The following AP1G1 variants were observed in gnomAD, a reference collection of about 807,000 sequenced individuals.
AP1G1 encodes the protein adaptor related protein complex 1 subunit gamma 1.
AP1G1 carries 7 observed loss-of-function variants against 108.3 expected under a neutral mutation model. The observed-to-expected ratio is 0.06, with a 90% confidence interval of 0.04 to 0.12. The LOEUF (loss-of-function observed/expected upper bound fraction) is 0.12, where lower values mean the gene tolerates loss of function less well. Ranked by LOEUF, AP1G1 falls within the 10% of genes least tolerant of loss-of-function variation. AP1G1 has a pLI of 1.00. For synonymous variants in AP1G1, 379 were observed against 353.5 expected (o/e 1.07, Z -0.81); for missense variants, 756 against 1,010.7 (o/e 0.75, Z 3.42).
chr16:71,789,565 G>T, intron 1 of AP1G1, 83 bp from the exon 2 acceptor site: 1 of 1,407,136 alleles, frequency 7.1e-7, no homozygotes, highest in East Asian at 2.3e-5. Context: ...TTAAATTTTT[G>T]ACTAGTTTTT....
chr16:71,748,478 C>G (rs1349876196), intron 15 of AP1G1, 100 bp from the exon 16 acceptor site: 1 of 1,343,658 alleles, frequency 7.4e-7, no homozygotes, highest in African/African-American at 1.5e-5. Context: ...AAAGACAATC[C>G]TACCGTTACA....
chr16:71,764,755 C>T (rs1190302734), intron 7 of AP1G1, 29 bp from the exon 8 acceptor site: 6 of 1,393,656 alleles, frequency 4.3e-6, no homozygotes, highest in Non-Finnish European at 6.0e-6. Flanking sequence ...GAGGTGTCAA[C>T]AAATTATGTC....
chr16:71,793,392 G>A (rs1051747979), intron 1 of AP1G1, among the ~76,000 whole-genome samples: 2 of 152,092 alleles, frequency 1.3e-5, no homozygotes, highest in African/African-American at 4.8e-5. Context: ...TGGAATAGAA[G>A]CTACAAATCA....
intron 15 of AP1G1, among the ~76,000 whole-genome samples, chr16:71,748,639 G>A (rs2030313605): frequency 6.6e-6 from 1 of 152,122 alleles, no homozygotes; most frequent in Non-Finnish European, 1.5e-5. Context: ...GGGGCTGAGA[G>A]GCAATATTAG....
intron 1 of AP1G1, among the ~76,000 whole-genome samples, chr16:71,799,963 G>GT (rs1567665410): frequency 2.0e-5 from 3 of 151,628 alleles, no homozygotes; most frequent in Admixed American, 6.6e-5. Flanking sequence ...GCTCACGCCT[G>GT]TAACCCCAGC....
chr16:71,798,478 C>CATG (rs1007076718), intron 1 of AP1G1, among the ~76,000 whole-genome samples: 2 of 151,378 alleles, frequency 1.3e-5, no homozygotes, highest in Non-Finnish European at 2.9e-5. Context: ...GGATTACAGG[C>CATG]ATGAGCCACT....
At chr16:71,752,268 G>A (rs1177417834) in intron 13 of AP1G1, among the ~76,000 whole-genome samples, 1 of 152,004 alleles carries the variant, frequency 6.6e-6, no homozygotes, top group Non-Finnish European at 1.5e-5. Flanking sequence ...ATGAAAACTA[G>A]GAAAACATGT....
intron 2 of AP1G1, 108 bp from the exon 3 acceptor site, chr16:71,774,700 T>C (rs1363309558): frequency 3.3e-6 from 4 of 1,195,492 alleles, no homozygotes; most frequent in African/African-American, 3.1e-5. Context: ...AAAGTACAAA[T>C]GTGTTTCATC....
chr16:71,788,752 C>T (rs1470539753), intron 2 of AP1G1, among the ~76,000 whole-genome samples: 2 of 151,922 alleles, frequency 1.3e-5, no homozygotes, highest in Non-Finnish European at 2.9e-5. Flanking sequence ...CTCAAAACTC[C>T]TGGGGCACAA....
At chr16:71,767,955 C>T (rs373039402) in intron 6 of AP1G1, 1,148 of 1,501,462 alleles carry the variant, frequency 7.6e-4, no homozygotes, top group Admixed American at 1.2e-3. Flanking sequence ...GGGACAGATA[C>T]GGGTCTCATA....
At chr16:71,749,167 T>C (rs1052604073) in intron 15 of AP1G1, among the ~76,000 whole-genome samples, 27 of 152,078 alleles carry the variant, frequency 1.8e-4, no homozygotes, top group Admixed American at 2.6e-4. Context: ...TCCACCCGCC[T>C]TGGCCTCCCA....
intron 2 of AP1G1, among the ~76,000 whole-genome samples, chr16:71,778,607 C>G (rs2031879454): frequency 6.7e-6 from 1 of 150,054 alleles, no homozygotes; most frequent in South Asian, 2.1e-4. Context: ...CACTTGAAAG[C>G]AGGAGGAGTA....
intron 19 of AP1G1, among the ~76,000 whole-genome samples, chr16:71,741,168 GA>G (rs1732004865): frequency 6.6e-6 from 1 of 152,104 alleles, no homozygotes; most frequent in African/African-American, 2.4e-5. Flanking sequence ...GAAATTAACT[GA>G]AAATATGCCA....
intron 1 of AP1G1, among the ~76,000 whole-genome samples, chr16:71,796,101 G>C (rs1422814666): frequency 1.3e-5 from 2 of 152,156 alleles, no homozygotes; most frequent in African/African-American, 4.8e-5. Context: ...GTTGGGAGTG[G>C]TGGCGCATGC....
intron 1 of AP1G1, among the ~76,000 whole-genome samples, chr16:71,794,835 C>CTTTTCTTTTTTTTTTTTTTTTT (rs2032522793): frequency 2.3e-4 from 9 of 39,632 alleles, no homozygotes; most frequent in African/African-American, 9.4e-4. Flanking sequence ...ATGAGAAGTG[C>CTTTTCTTTTTTTTTTTTTTTTT]TTTTTTTTTT....
intron 19 of AP1G1, chr16:71,742,307 C>T (rs1225760556): frequency 6.6e-6 from 1 of 151,822 alleles, no homozygotes; most frequent in African/African-American, 2.4e-5. Context: ...ATAATAGGGC[C>T]TCTCTCTGCT....
intron 1 of AP1G1, among the ~76,000 whole-genome samples, chr16:71,790,641 A>G (rs1328619470): frequency 1.3e-5 from 2 of 152,230 alleles, no homozygotes; most frequent in Admixed American, 6.5e-5. Flanking sequence ...GGAGCAAGAT[A>G]GTCTTTCAAT....
chr16:71,807,282 A>G (rs535344633), intron 1 of AP1G1, among the ~76,000 whole-genome samples: 1 of 152,326 alleles, frequency 6.6e-6, no homozygotes, highest in East Asian at 1.9e-4. Flanking sequence ...ACAACAAAAA[A>G]TTAGCCGGGC....
chr16:71,763,050 G>T (rs1567650133), intron 9 of AP1G1, among the ~76,000 whole-genome samples: 16 of 152,124 alleles, frequency 1.1e-4, no homozygotes, highest in Non-Finnish European at 1.5e-5. Flanking sequence ...GATGTATAGG[G>T]AAATAGCCCC....
Sources: allele counts gnomAD v4.1 joint callset (sites outside exome capture counted in the v4.1 genomes callset), GRCh38; gene constraint gnomAD v4.1.1; transcripts MANE v1.5; gene names NCBI Gene and HGNC (gene_info 2026-07-23, HGNC 2026-07-21).